STK32A: variants seen among roughly 807,000 people sequenced by gnomAD.
The protein encoded by STK32A is serine/threonine kinase 32A.
Under a neutral mutation model 53.2 loss-of-function variants are expected in STK32A, and 41 were observed. The observed-to-expected ratio is 0.77, with a 90% CI of 0.60 to 1.00. The LOEUF (loss-of-function observed/expected upper bound fraction) is 1.00, where lower values mean the gene tolerates loss of function less well. STK32A is among the 50% of genes least tolerant of loss of function. STK32A has a pLI of 0.00. For missense variants in STK32A, 458 were observed against 485.8 expected (o/e 0.94, Z 0.54); for synonymous variants, 166 against 162.8 (o/e 1.02, Z -0.15).
At chr5:147,264,375 C>T (rs1002856410) in intron 2 of STK32A, among the ~76,000 whole-genome samples, 12 of 152,122 alleles carry the variant, frequency 7.9e-5, no homozygotes, top group Admixed American at 2.6e-4. Flanking sequence ...AGGAAGATGA[C>T]AATGTGCCTG....
downstream of STK32A, among the ~76,000 whole-genome samples, chr5:147,388,685 A>AT (rs1006219790): frequency 6.6e-6 from 1 of 152,088 alleles, no homozygotes; most frequent in Non-Finnish European, 1.5e-5. Flanking sequence ...CCAGAAAGTT[A>AT]TTTGGAACCA....
chr5:147,248,980 A>G (rs1753867430), intron 2 of STK32A, among the ~76,000 whole-genome samples: 1 of 152,136 alleles, frequency 6.6e-6, no homozygotes, highest in Admixed American at 6.5e-5. Context: ...CTTCAACCTT[A>G]ACTAATATCA....
At chr5:147,280,339 G>A (rs890125685) in intron 4 of STK32A, among the ~76,000 whole-genome samples, 7 of 151,182 alleles carry the variant, frequency 4.6e-5, no homozygotes, top group African/African-American at 1.2e-4. Flanking sequence ...AGCTGGGAGC[G>A]GGGAGCCTGG....
chr5:147,317,500 G>T (rs1270624097), intron 4 of STK32A, among the ~76,000 whole-genome samples: 2 of 151,558 alleles, frequency 1.3e-5, no homozygotes, highest in Non-Finnish European at 2.9e-5. Context: ...GCTAATTTTT[G>T]TATTTTTAGT....
chr5:147,349,624 T>C (rs1309540037), intron 6 of STK32A, among the ~76,000 whole-genome samples: 2 of 152,092 alleles, frequency 1.3e-5, no homozygotes, highest in East Asian at 1.9e-4. Context: ...ACCCACACTA[T>C]ATTGCTTTGA....
chr5:147,360,939 TAC>T (rs1319254862), intron 7 of STK32A, among the ~76,000 whole-genome samples: 1 of 152,170 alleles, frequency 6.6e-6, no homozygotes, highest in African/African-American at 2.4e-5. Flanking sequence ...TTGAAAGAAC[TAC>T]AGTTACAAAG....
chr5:147,383,543 G>A, intron 12 of STK32A, 38 bp downstream of exon 12: 1 of 1,487,418 alleles, frequency 6.7e-7, no homozygotes, highest in South Asian at 1.2e-5. Context: ...CCCAGAAATG[G>A]TGGCATGTTT....
intron 4 of STK32A, among the ~76,000 whole-genome samples, chr5:147,315,124 G>T (rs1289907152): frequency 2.0e-5 from 3 of 152,130 alleles, no homozygotes; most frequent in African/African-American, 7.2e-5. Context: ...CATTGATAGT[G>T]GGAATGTAAT....
chr5:147,321,461 C>T (rs551618264), intron 4 of STK32A, among the ~76,000 whole-genome samples: 52 of 152,306 alleles, frequency 3.4e-4, no homozygotes, highest in African/African-American at 1.1e-3. Context: ...AAGAGCCAAA[C>T]GTGCCTCCAT....
At chr5:147,317,476 C>T (rs531939538) in intron 4 of STK32A, among the ~76,000 whole-genome samples, 27 of 151,468 alleles carry the variant, frequency 1.8e-4, no homozygotes, top group Admixed American at 2.6e-4. Flanking sequence ...TATAGGTGCG[C>T]GCCACCATGC....
At chr5:147,351,957 A>G (rs1307768275) in intron 7 of STK32A, among the ~76,000 whole-genome samples, 1 of 152,246 alleles carries the variant, frequency 6.6e-6, no homozygotes, top group Non-Finnish European at 1.5e-5. Flanking sequence ...TGCATTACAT[A>G]CATAGAGCTA....
At chr5:147,343,372 T>A (rs556739243) in intron 6 of STK32A, 6 of 417,668 alleles carry the variant, frequency 1.4e-5, no homozygotes, top group South Asian at 1.3e-4. Flanking sequence ...CTATTTTTTA[T>A]AATGATACAG....
At chr5:147,348,676 T>G (rs1561738484) in intron 6 of STK32A, 1 of 770,610 alleles carries the variant, frequency 1.3e-6, no homozygotes. Context: ...ACCTGTGGAA[T>G]TTGTTGTTTT....
intron 2 of STK32A, among the ~76,000 whole-genome samples, chr5:147,277,257 A>T (rs1476980052): frequency 6.6e-6 from 1 of 152,234 alleles, no homozygotes; most frequent in Non-Finnish European, 1.5e-5. Flanking sequence ...CAGGAAACAG[A>T]GTCAAACATT....
At chr5:147,287,944 G>T (rs908389993) in intron 4 of STK32A, among the ~76,000 whole-genome samples, 1 of 151,720 alleles carries the variant, frequency 6.6e-6, no homozygotes, top group African/African-American at 2.4e-5. Context: ...GGGCAAAGTT[G>T]ATTTCATTCT....
At chr5:147,261,898 C>CTG (rs10664850) in intron 2 of STK32A, among the ~76,000 whole-genome samples, 44,964 of 151,882 alleles carry the variant, frequency 0.3, 7,004 homozygotes, top group African/African-American at 0.36. Context: ...CAAGCTAAGA[C>CTG]TGCTTCTGCT....
At position 147,348,914 on chromosome 5, in the gene STK32A, T is replaced by A. The variant is rs61249774; in HGVS notation, c.473-2151T>A. On this transcript the variant is annotated intron_variant, in intron 6 of 12. Coordinates refer to ENST00000397936, the MANE Select transcript of STK32A (RefSeq NM_001112724.2). The stretch of plus-strand genomic sequence containing the variant: ...GAAGACTATGATTATCTTTCCAACT[T>A]TACAGAGAGGATAAGTGACGTTTTC... 5.4e-6 allele frequency: 3 copies of A among 556,722 alleles called. No individual in the cohort carries two copies. The African/African-American group carries it at 5.7e-5, about 11-fold the overall frequency. 34.5% of individuals were successfully genotyped at this position (556,722 alleles called of 1,614,324 possible). A position where few individuals can be genotyped will look rare whatever the true frequency, so the allele number is the denominator to read the frequency against.
intron 4 of STK32A, among the ~76,000 whole-genome samples, chr5:147,285,920 G>A (rs989509956): frequency 5.9e-5 from 9 of 152,162 alleles, no homozygotes; most frequent in Admixed American, 4.6e-4. Flanking sequence ...ACTACCATTT[G>A]ATCCAGCAAT....
chr5:147,363,514 G>A (rs150537388), intron 8 of STK32A, among the ~76,000 whole-genome samples: 1,626 of 152,252 alleles, frequency 0.011, 13 homozygotes, highest in South Asian at 0.031. Context: ...GTGCACTCTG[G>A]ACCTGTAGTG....
Sources: allele counts gnomAD v4.1 joint callset (sites outside exome capture counted in the v4.1 genomes callset), GRCh38; gene constraint gnomAD v4.1.1; transcripts MANE v1.5; gene names NCBI Gene and HGNC (gene_info 2026-07-23, HGNC 2026-07-21).